The following NBAS variants were observed in gnomAD, a reference collection of about 807,000 sequenced individuals.
NBAS encodes NBAS subunit of NRZ tethering complex, also known as NAG/BC035112 fusion.
NBAS carries 219 observed loss-of-function variants against 302.5 expected under a neutral mutation model. That is an observed-to-expected ratio of 0.72 (90% CI 0.65 to 0.81). NBAS has a LOEUF of 0.81. Among genes scored for constraint, NBAS ranks in the 30% least tolerant of loss-of-function variants. The pLI, the probability that NBAS is intolerant of heterozygous loss-of-function variation, is 0.00. For missense variants in NBAS, 2,932 were observed against 2,841.6 expected (o/e 1.03, Z -0.72); for synonymous variants, 1,118 against 1,021.6 (o/e 1.09, Z -1.80).
chr2:14,847,833 C>T, the NBAS span, among the ~76,000 whole-genome samples: 70 of 152,150 alleles, frequency 4.6e-4, 1 homozygote, highest in African/African-American at 1.6e-3. Context: ...AATATACATG[C>T]TTTTTCTCAG....
the NBAS span, among the ~76,000 whole-genome samples, chr2:15,129,323 T>A: frequency 6.6e-6 from 1 of 152,128 alleles, no homozygotes; most frequent in Non-Finnish European, 1.5e-5. Context: ...CTGAAGTAGC[T>A]CAGAGGAAAT....
intron 32 of NBAS, among the ~76,000 whole-genome samples, chr2:15,362,779 TC>T (rs1674000539): frequency 1.3e-5 from 2 of 152,228 alleles, no homozygotes; most frequent in African/African-American, 4.8e-5. Context: ...CAAGCTCTAA[TC>T]TGGGTGGTAT....
chr2:15,306,215 A>T (rs1671027936), intron 40 of NBAS, among the ~76,000 whole-genome samples: 1 of 152,224 alleles, frequency 6.6e-6, no homozygotes, highest in South Asian at 2.1e-4. Flanking sequence ...CCTGAGATAT[A>T]AAAAAACAAA....
the NBAS span, among the ~76,000 whole-genome samples, chr2:15,119,303 CTTT>C: frequency 3.7e-5 from 4 of 107,758 alleles, no homozygotes; most frequent in East Asian, 5.1e-4. Flanking sequence ...GAAATCCTTT[CTTT>C]TTTTTTTTTT....
At chr2:15,449,971 G>T (rs1678932148) in intron 21 of NBAS, among the ~76,000 whole-genome samples, 1 of 152,086 alleles carries the variant, frequency 6.6e-6, no homozygotes, top group South Asian at 2.1e-4. Flanking sequence ...ATCTTAAAGG[G>T]AAAAGAAACA....
chr2:15,236,779 G>A (rs1667614517), intron 45 of NBAS, among the ~76,000 whole-genome samples: 1 of 151,902 alleles, frequency 6.6e-6, no homozygotes, highest in Admixed American at 6.6e-5. Flanking sequence ...AATCAAGATT[G>A]GTAAAGCCAA....
intron 10 of NBAS, among the ~76,000 whole-genome samples, chr2:15,505,644 T>C (rs920939033): frequency 1.3e-5 from 2 of 152,168 alleles, no homozygotes; most frequent in African/African-American, 4.8e-5. Flanking sequence ...AACCTACCAA[T>C]CTTGTAAAGT....
intron 30 of NBAS, among the ~76,000 whole-genome samples, chr2:15,376,781 T>C (rs1198539188): frequency 1.3e-5 from 2 of 152,120 alleles, no homozygotes; most frequent in Non-Finnish European, 2.9e-5. Context: ...TAAGAATGTA[T>C]GGGTTATTCT....
chr2:15,135,867 T>TAAAAAAAAAAA, the NBAS span, among the ~76,000 whole-genome samples: 1 of 132,460 alleles, frequency 7.5e-6, no homozygotes. Context: ...GCTGATGAGC[T>TAAAAAAAAAAA]AAAAAAAAAA....
At chr2:14,833,918 C>A in the NBAS span, among the ~76,000 whole-genome samples, 2 of 152,064 alleles carry the variant, frequency 1.3e-5, no homozygotes, top group African/African-American at 4.8e-5. Flanking sequence ...TTCTTTGAAT[C>A]CACATATATG....
intron 44 of NBAS, among the ~76,000 whole-genome samples, chr2:15,264,391 C>A (rs1416921300): frequency 1.3e-5 from 2 of 152,142 alleles, no homozygotes; most frequent in Non-Finnish European, 2.9e-5. Flanking sequence ...GCTCAGCATC[C>A]CACCAGAGTC....
chr2:15,450,640 T>C (rs1242170084), intron 21 of NBAS, among the ~76,000 whole-genome samples: 1 of 152,244 alleles, frequency 6.6e-6, no homozygotes, highest in Non-Finnish European at 1.5e-5. Flanking sequence ...GAATCAAATA[T>C]AATTCCTTTA....
intron 41 of NBAS, 92 bp from the exon 42 acceptor site, chr2:15,287,275 G>T: frequency 2.2e-6 from 2 of 891,704 alleles, no homozygotes; most frequent in Non-Finnish European, 3.7e-6. Flanking sequence ...CTGCTCTCCA[G>T]TGAGAGAGGT....
At chr2:15,230,950 T>TC (rs1667358097) in intron 47 of NBAS, among the ~76,000 whole-genome samples, 1 of 152,182 alleles carries the variant, frequency 6.6e-6, no homozygotes, top group African/African-American at 2.4e-5. Flanking sequence ...AACAGACTGT[T>TC]CTTTCACTGA....
At chr2:14,946,229 T>A in the NBAS span, among the ~76,000 whole-genome samples, 3 of 152,124 alleles carry the variant, frequency 2.0e-5, no homozygotes, top group Non-Finnish European at 4.4e-5. Flanking sequence ...GACAGGAAGA[T>A]CTGAGAATAC....
chr2:15,551,636 C>G lies in NBAS; in HGVS notation c.336-100G>C, dbSNP rs578007346. On this transcript the variant is annotated intron_variant, in intron 5 of 51. Coordinates refer to ENST00000281513, the MANE Select transcript of NBAS (RefSeq NM_015909.4). ...GACTAGACAGCCTCTATATACAATG[C>G]TCAATCATATCTCCTCTCAGACATG... is the stretch of plus-strand genomic sequence containing the variant. The G allele has an allele frequency of 4.8e-5, 37 of 773,896 alleles. No homozygotes were observed. In the South Asian group the frequency reaches 6.8e-4, roughly 14 times the overall value. The allele number at this position is 773,896 out of a possible 1,614,324, so 47.9% of individuals were successfully genotyped here.
the NBAS span, among the ~76,000 whole-genome samples, chr2:14,829,174 G>T: frequency 6.6e-6 from 1 of 151,966 alleles, no homozygotes; most frequent in South Asian, 2.1e-4. Flanking sequence ...ATAACGTTAA[G>T]GTACGTAAGG....
At chr2:14,799,456 T>C in the NBAS span, among the ~76,000 whole-genome samples, 1 of 152,130 alleles carries the variant, frequency 6.6e-6, no homozygotes, top group Non-Finnish European at 1.5e-5. Flanking sequence ...TAATTTATTG[T>C]GACTTTTTAA....
At chr2:15,447,569 T>C (rs1678810874) in intron 21 of NBAS, among the ~76,000 whole-genome samples, 1 of 152,208 alleles carries the variant, frequency 6.6e-6, no homozygotes, top group Admixed American at 6.5e-5. Flanking sequence ...CATGTTCACT[T>C]GGTGAAAATT....
Sources: gnomAD v4.1 joint callset for allele counts (sites outside exome capture counted in the v4.1 genomes callset) on GRCh38, gnomAD v4.1.1 for gene constraint, MANE v1.5 for transcripts, NCBI Gene and HGNC (gene_info 2026-07-23, HGNC 2026-07-21) for gene names.